PTPRG: variants seen among roughly 807,000 people sequenced by gnomAD.
PTPRG encodes protein tyrosine phosphatase receptor type G.
PTPRG carries 102 observed loss-of-function variants against 165.3 expected under a neutral mutation model. The observed-to-expected ratio is 0.62, with a 90% confidence interval of 0.53 to 0.73. The LOEUF (loss-of-function observed/expected upper bound fraction) is 0.73, where lower values mean the gene tolerates loss of function less well. Among genes scored for constraint, PTPRG ranks in the 30% least tolerant of loss-of-function variants. The pLI is 0.00. For synonymous variants in PTPRG, 675 were observed against 669.5 expected (o/e 1.01, Z -0.13); for missense variants, 1,866 against 1,861.4 (o/e 1.00, Z -0.05).
chr3:61,913,418 G>T (rs537384339), intron 2 of PTPRG, among the ~76,000 whole-genome samples: 1 of 152,130 alleles, frequency 6.6e-6, no homozygotes, highest in African/African-American at 2.4e-5. Context: ...ACGGGATTTC[G>T]CTGTGCTAGC....
intron 2 of PTPRG, among the ~76,000 whole-genome samples, chr3:61,978,641 C>T (rs2040565178): frequency 6.6e-6 from 1 of 152,096 alleles, no homozygotes; most frequent in African/African-American, 2.4e-5. Flanking sequence ...GTACATATTA[C>T]CTATGTGCTG....
intron 1 of PTPRG, among the ~76,000 whole-genome samples, chr3:61,665,467 A>C (rs879262251): frequency 1.5e-4 from 12 of 79,644 alleles, no homozygotes; most frequent in Non-Finnish European, 2.4e-4. Context: ...ATTGTAAATA[A>C]ATACACACAC....
chr3:62,276,600 T>TG (rs1399555028), intron 24 of PTPRG: 1 of 189,928 alleles, frequency 5.3e-6, no homozygotes, highest in Non-Finnish European at 1.1e-5. Flanking sequence ...CAGAAAGACA[T>TG]GGAGAAAGGG....
intron 2 of PTPRG, among the ~76,000 whole-genome samples, chr3:61,872,992 T>C (rs1000573329): frequency 6.6e-6 from 1 of 152,232 alleles, no homozygotes; most frequent in Non-Finnish European, 1.5e-5. Context: ...CATCAGAGTG[T>C]AAGAATGAAT....
rs1040337307 is a variant in PTPRG at position 61,919,579 on chromosome 3, C to A, written c.191-70046C>A. On this transcript the variant is annotated intron_variant, in intron 2 of 29. Transcript: ENST00000474889. ...TCACAATCCAGTAGGGGTCACTGGT[C>A]CATTTGGGGAGTGAAGATGGACAAA... is the stretch of plus-strand genomic sequence containing the variant. 3.3e-5 allele frequency among the ~76,000 whole-genome samples: 5 copies of A among 152,212 alleles called. No homozygotes were observed. In the East Asian group the frequency reaches 9.7e-4, roughly 30 times the overall value.
At chr3:62,167,940 T>TC (rs1463403382) in intron 7 of PTPRG, 31 bp from the exon 8 acceptor site, 1 of 1,569,942 alleles carries the variant, frequency 6.4e-7, no homozygotes, top group African/African-American at 1.4e-5. Context: ...TGTTTTTTTT[T>TC]TCCCCCTCCC....
At chr3:62,116,200 T>G (rs1178920178) in intron 5 of PTPRG, among the ~76,000 whole-genome samples, 1 of 152,066 alleles carries the variant, frequency 6.6e-6, no homozygotes, top group East Asian at 1.9e-4. Flanking sequence ...GCCTGTGAGG[T>G]TCTGCTGACT....
intron 26 of PTPRG, among the ~76,000 whole-genome samples, 192 bp from the exon 27 acceptor site, chr3:62,281,371 T>C (rs1374266681): frequency 6.6e-6 from 1 of 151,844 alleles, no homozygotes; most frequent in Non-Finnish European, 1.5e-5. Context: ...AAAATGATTA[T>C]CAAAATATAT....
chr3:62,062,740 A>G (rs941406635), intron 4 of PTPRG, among the ~76,000 whole-genome samples: 2 of 152,076 alleles, frequency 1.3e-5, no homozygotes, highest in Non-Finnish European at 2.9e-5. Context: ...GGCTCACTGC[A>G]GCCTGACCTC....
At chr3:61,762,485 C>A (rs2033883217) in intron 2 of PTPRG, among the ~76,000 whole-genome samples, 1 of 151,378 alleles carries the variant, frequency 6.6e-6, no homozygotes, top group African/African-American at 2.4e-5. Flanking sequence ...GTGGTGGGTG[C>A]CTGTAATCCC....
At chr3:62,082,368 T>C (rs1402888955) in intron 5 of PTPRG, among the ~76,000 whole-genome samples, 6 of 152,210 alleles carry the variant, frequency 3.9e-5, no homozygotes, top group Admixed American at 3.3e-4. Context: ...AGACATCTGG[T>C]TGTCCAATGA....
chr3:61,989,200 T>C (rs1174505226), intron 2 of PTPRG, among the ~76,000 whole-genome samples: 1 of 152,222 alleles, frequency 6.6e-6, no homozygotes, highest in South Asian at 2.1e-4. Context: ...TTTTTCATGT[T>C]TACAGTCTTT....
Position 61,817,738 on chromosome 3 carries a change from C to T in PTPRG, c.190+68756C>T, listed in dbSNP as rs574846906. ...ATGCCCATGGGAAAGTGTGCTGGGC[C>T]TACTTGGGATGTGCATTGAAGAGTA... On this transcript the variant is annotated intron_variant, in intron 2 of 29. Coordinates refer to ENST00000474889, the MANE Select transcript of PTPRG (RefSeq NM_002841.4). Among the ~76,000 whole-genome samples the T allele has an allele frequency of 1.4e-4, 22 of 152,256 alleles. No individual in the cohort carries two copies. The South Asian group carries it at 4.4e-3, about 30-fold the overall frequency.
chr3:62,176,087 T>G (rs371710500), intron 8 of PTPRG, among the ~76,000 whole-genome samples: 1 of 152,174 alleles, frequency 6.6e-6, no homozygotes, highest in African/African-American at 2.4e-5. Context: ...TTGTTCTGGC[T>G]GTTATGTGGC....
chr3:62,274,295 G>T (rs753786582), intron 23 of PTPRG, among the ~76,000 whole-genome samples: 1 of 152,042 alleles, frequency 6.6e-6, no homozygotes, highest in Non-Finnish European at 1.5e-5. Flanking sequence ...AACAATACTA[G>T]AGAAAAGTTA....
intron 1 of PTPRG, among the ~76,000 whole-genome samples, chr3:61,643,179 A>C (rs1702109210): frequency 6.6e-6 from 1 of 152,146 alleles, no homozygotes; most frequent in Non-Finnish European, 1.5e-5. Context: ...AGTCTCAGCT[A>C]CCTGGGCGGC....
Position 61,943,479 on chromosome 3 carries a change from G to A in PTPRG, c.191-46146G>A, listed in dbSNP as rs1575809676. Among the ~76,000 whole-genome samples the A allele has an allele frequency of 5.3e-5, 8 of 152,348 alleles. 1 individual carries two copies. The highest frequency in any genetic ancestry group is 5.2e-4 in the Admixed American group (8 of 15,302). ...TTTAATCCCAGCTACCTGGGAGGCT[G>A]AGGCAGGAGAATCGCTTGAACCCAG... On this transcript the variant is annotated intron_variant, in intron 2 of 29. Coordinates refer to ENST00000474889, the MANE Select transcript of PTPRG (RefSeq NM_002841.4).
rs556262475 is a variant in PTPRG at position 61,972,621 on chromosome 3, C to T, written c.191-17004C>T. On this transcript the variant is annotated intron_variant, in intron 2 of 29. Transcript: ENST00000474889. The stretch of plus-strand genomic sequence containing the variant: ...AGTTTCTGGATCTCTTTCTTCCCTC[C>T]CCTCCCCTCTTCGTTCTTTTTCTTT... 4.6e-5 allele frequency among the ~76,000 whole-genome samples: 7 copies of T among 151,564 alleles called. No individual in the cohort carries two copies. In the South Asian group the frequency reaches 1.5e-3, roughly 32 times the overall value.
Position 62,165,082 on chromosome 3 carries a change from C to T in PTPRG, c.841-2889C>T, listed in dbSNP as rs113587252. On this transcript the variant is annotated intron_variant, in intron 7 of 29. Coordinates refer to ENST00000474889, the MANE Select transcript of PTPRG (RefSeq NM_002841.4). Reference sequence around the variant, plus strand: ...TATGGCTTTAATTTAAGCCAATTTCCGTTTATTTGGTCTTCTCTGGACATG... The same window carrying T: ...TATGGCTTTAATTTAAGCCAATTTCTGTTTATTTGGTCTTCTCTGGACATG... Among the ~76,000 whole-genome samples, 309 of 152,272 alleles carry T rather than the reference C, an allele frequency of 2.0e-3. 1 individual carries two copies. The Middle Eastern group carries it at 0.065, about 32-fold the overall frequency.
Sources: allele counts gnomAD v4.1 joint callset (sites outside exome capture counted in the v4.1 genomes callset), GRCh38; gene constraint gnomAD v4.1.1; transcripts MANE v1.5; gene names NCBI Gene and HGNC (gene_info 2026-07-23, HGNC 2026-07-21).